NAV3: variants seen among roughly 807,000 people sequenced by gnomAD.
NAV3 encodes the protein pore membrane and/or filament interacting like protein 1.
In NAV3, 87 loss-of-function variants were observed where a neutral mutation model predicts 244.7. The ratio of observed to expected loss-of-function variants is 0.36; its 90% CI spans 0.30 to 0.42. NAV3 has a LOEUF of 0.42. Among genes scored for constraint, NAV3 ranks in the 20% least tolerant of loss-of-function variants. The pLI, the probability that NAV3 is intolerant of heterozygous loss-of-function variation, is 1.00. For synonymous variants in NAV3, 1,126 were observed against 1,042.2 expected (o/e 1.08, Z -1.55); for missense variants, 2,663 against 2,893.3 (o/e 0.92, Z 1.83).
chr12:78,194,183 T>G (rs150811726), intron 34 of NAV3, among the ~76,000 whole-genome samples: 6 of 152,142 alleles, frequency 3.9e-5, no homozygotes, highest in African/African-American at 1.4e-4. Flanking sequence ...CCTACACATA[T>G]GTTTCTATTC....
intron 34 of NAV3, among the ~76,000 whole-genome samples, chr12:78,195,919 T>A (rs1462839081): frequency 1.3e-5 from 2 of 152,042 alleles, no homozygotes; most frequent in Non-Finnish European, 2.9e-5. Context: ...TTAGTCCTCA[T>A]GTCCGGAAAA....
At position 77,607,000 on chromosome 12, in the gene NAV3, C is replaced by T. The variant is rs541917247; in HGVS notation, c.72+34734C>T. Among the ~76,000 whole-genome samples, 11 of 152,070 alleles carry T rather than the reference C, an allele frequency of 7.2e-5. No homozygotes were observed. In the South Asian group the frequency reaches 1.0e-3, roughly 14 times the overall value. On this transcript the variant is annotated intron_variant, in intron 2 of 8. Transcript: ENST00000550042. Reference sequence around the variant, plus strand: ...ATTGGATTCAGGAGACAAATAAATTCGAGGAAGCAATGAAAAACATTCACT... The same window carrying T: ...ATTGGATTCAGGAGACAAATAAATTTGAGGAAGCAATGAAAAACATTCACT...
intron 2 of NAV3, among the ~76,000 whole-genome samples, chr12:77,639,500 C>T (rs1346069170): frequency 6.6e-6 from 1 of 152,118 alleles, no homozygotes; most frequent in African/African-American, 2.4e-5. Context: ...TGTATGAGAA[C>T]AGAGATTTTT....
intron 1 of NAV3, among the ~76,000 whole-genome samples, chr12:77,859,114 C>A (rs1878822233): frequency 1.3e-5 from 2 of 151,970 alleles, no homozygotes; most frequent in Non-Finnish European, 2.9e-5. Context: ...TATCAGTCAG[C>A]CCAGCAAAGA....
At chr12:77,793,194 T>C (rs1044709209) in intron 2 of NAV3, among the ~76,000 whole-genome samples, 2 of 152,174 alleles carry the variant, frequency 1.3e-5, no homozygotes, top group African/African-American at 4.8e-5. Context: ...AAAAAAGCAG[T>C]ATAGTTATAA....
intron 2 of NAV3, among the ~76,000 whole-genome samples, chr12:77,805,692 G>A (rs1272562584): frequency 6.6e-6 from 1 of 152,172 alleles, no homozygotes; most frequent in South Asian, 2.1e-4. Flanking sequence ...AGATGAGTTA[G>A]GGAGGAGTCC....
chr12:78,112,143 TA>T (rs1237331330), intron 12 of NAV3, among the ~76,000 whole-genome samples: 3 of 152,172 alleles, frequency 2.0e-5, no homozygotes, highest in African/African-American at 7.2e-5. Context: ...TGAGGCCAGA[TA>T]TCTGCCCATG....
At chr12:77,834,958 G>A (rs934009952) in intron 1 of NAV3, among the ~76,000 whole-genome samples, 2 of 152,136 alleles carry the variant, frequency 1.3e-5, no homozygotes, top group African/African-American at 4.8e-5. Context: ...ATTAGACTTG[G>A]CTGCAAAAGC....
intron 33 of NAV3, among the ~76,000 whole-genome samples, chr12:78,189,620 T>G (rs1958885422): frequency 6.6e-6 from 1 of 151,528 alleles, no homozygotes; most frequent in South Asian, 2.1e-4. Flanking sequence ...TCACATTTAT[T>G]CTTATAGTCT....
chr12:78,041,698 A>G (rs1487490300), intron 9 of NAV3, among the ~76,000 whole-genome samples: 1 of 152,196 alleles, frequency 6.6e-6, no homozygotes, highest in Non-Finnish European at 1.5e-5. Context: ...TGCTATGGCC[A>G]AGAGATAAGG....
intron 5 of NAV3, among the ~76,000 whole-genome samples, chr12:77,971,995 TA>T (rs889336784): frequency 5.3e-4 from 81 of 152,286 alleles, no homozygotes; most frequent in African/African-American, 1.9e-3. Flanking sequence ...TCAAGTTGAA[TA>T]GCTTTCATTT....
chr12:77,898,608 C>G (rs1884906537), intron 1 of NAV3, among the ~76,000 whole-genome samples: 1 of 152,166 alleles, frequency 6.6e-6, no homozygotes, highest in Non-Finnish European at 1.5e-5. Flanking sequence ...ACATAGGCCT[C>G]CTGACATCAT....
intron 18 of NAV3, among the ~76,000 whole-genome samples, chr12:78,132,107 A>C (rs563203753): frequency 3.2e-4 from 48 of 152,332 alleles, no homozygotes; most frequent in Admixed American, 1.1e-3. Flanking sequence ...TAAAGTTAAC[A>C]TGGCAACTGA....
Position 78,168,848 on chromosome 12 carries a change from C to G in NAV3, c.4963C>G (p.Pro1655Ala). The change falls in exon 24 of 40, where the codon CCA (proline) becomes GCA (alanine). Residue 1655 changes from proline (P) to alanine (A), a missense_variant. Transcript: ENST00000397909. ...QAAIQGALNG[P>A]DHPPKDLRIR... is the part of the protein sequence containing the mutation. ...GGCTATTCAGGGAGCACTGAATGGT[C>G]CAGACCATCCTCCCAAAGGTATATT... 6.2e-7 allele frequency: 1 copy of G among 1,604,094 alleles called. No homozygotes were observed. Among genetic ancestry groups the G allele is most frequent in the Non-Finnish European group, 8.5e-7 (1 of 1,175,058 alleles).
intron 1 of NAV3, among the ~76,000 whole-genome samples, chr12:77,901,870 A>C (rs1218115609): frequency 6.6e-6 from 1 of 152,174 alleles, no homozygotes; most frequent in East Asian, 1.9e-4. Context: ...ATTTGCTTGG[A>C]TATGCAGCTC....
At chr12:77,949,877 T>C (rs1890713455) in intron 3 of NAV3, among the ~76,000 whole-genome samples, 1 of 152,068 alleles carries the variant, frequency 6.6e-6, no homozygotes, top group South Asian at 2.1e-4. Context: ...CCCTGTGGTT[T>C]TGCCTTTTCT....
chr12:78,192,536 G>A (rs1306547179), intron 34 of NAV3, among the ~76,000 whole-genome samples: 1 of 151,648 alleles, frequency 6.6e-6, no homozygotes, highest in Non-Finnish European at 1.5e-5. Context: ...CTCCTGAGTA[G>A]CTGAGACTAC....
chr12:78,169,283 G>A (rs886315989), intron 24 of NAV3, among the ~76,000 whole-genome samples: 1 of 151,700 alleles, frequency 6.6e-6, no homozygotes, highest in South Asian at 2.1e-4. Context: ...GATATAGTAA[G>A]CAGTGGGCAT....
chr12:77,901,705 CAAAAAAAG>C (rs1393803860), intron 1 of NAV3, among the ~76,000 whole-genome samples: 4 of 151,462 alleles, frequency 2.6e-5, no homozygotes, highest in Admixed American at 6.6e-5. Context: ...GACTCTGTTT[CAAAAAAAG>C]AAAAAAAGAA....
Sources: gnomAD v4.1 joint callset for allele counts (sites outside exome capture counted in the v4.1 genomes callset) on GRCh38, gnomAD v4.1.1 for gene constraint, MANE v1.5 for transcripts, NCBI Gene and HGNC (gene_info 2026-07-23, HGNC 2026-07-21) for gene names.